Variants in TRIP11 observed in about 807,000 individuals in gnomAD.
The protein encoded by TRIP11 is thyroid receptor-interacting protein 11.
Under a neutral mutation model 223.1 loss-of-function variants are expected in TRIP11, and 148 were observed. That is an observed-to-expected ratio of 0.66 (90% CI 0.58 to 0.76). The LOEUF (loss-of-function observed/expected upper bound fraction) is 0.76, where lower values mean the gene tolerates loss of function less well. TRIP11 is among the 30% of genes least tolerant of loss of function. The pLI, the probability that TRIP11 is intolerant of heterozygous loss-of-function variation, is 0.00. For missense variants in TRIP11, 2,043 were observed against 2,222.0 expected, an observed-to-expected ratio of 0.92 and a Z score of 1.62; for synonymous variants, 762 against 772.6, an observed-to-expected ratio of 0.99 and a Z score of 0.23.
In TRIP11 at chr14:91,974,657, C is replaced by G; in HGVS notation, c.5544G>C (p.Leu1848Phe). The G allele has an allele frequency of 1.2e-6, 2 of 1,612,372 alleles. No homozygotes were observed. Among genetic ancestry groups the G allele is most frequent in the Non-Finnish European group, 1.7e-6 (2 of 1,179,940 alleles). ...TAACCACAGATTGCTGATTTGGTCT[C>G]AAAGGTGTGTTGGGAACACTTTTTG... Reference protein sequence around the residue: ...GGSKSVPNTPLRPNQQSVVNS... With the variant: ...GGSKSVPNTPFRPNQQSVVNS... The change falls in exon 19 of 21, where the codon TTG becomes TTC. Residue 1848 changes from leucine to phenylalanine, a missense_variant. Transcript: ENST00000267622.
Position 92,014,366 on chromosome 14 carries a change from T to C in TRIP11, c.1035A>G (p.Gln345=). The C allele has an allele frequency of 6.2e-7, 1 of 1,613,992 alleles. No homozygotes were observed. Among genetic ancestry groups the C allele is most frequent in the Non-Finnish European group, 8.5e-7 (1 of 1,179,994 alleles). ...EQEQLNVEKR[Q]IMEECENLKL... Reference sequence around the variant, plus strand: ...TCAAGTTTTCACATTCTTCCATTATTTGTCTCTTTTCCACATTTAGCTGTT... The same window carrying C: ...TCAAGTTTTCACATTCTTCCATTATCTGTCTCTTTTCCACATTTAGCTGTT... The change falls in exon 7 of 21, where the codon CAA becomes CAG. Residue 345 remains glutamine, a synonymous_variant. Coordinates refer to ENST00000267622, the MANE Select transcript of TRIP11 (RefSeq NM_004239.4).
intron 2 of TRIP11, 79 bp downstream of exon 2, chr14:92,033,113 A>G (rs2057286516): frequency 1.8e-6 from 2 of 1,108,316 alleles, no homozygotes; most frequent in Non-Finnish European, 2.7e-6. Context: ...ACATTTAAAA[A>G]GAAAGGATCA....
intron 15 of TRIP11, among the ~76,000 whole-genome samples, chr14:91,990,373 A>C (rs1312938828): frequency 5.3e-5 from 8 of 151,972 alleles, no homozygotes; most frequent in Non-Finnish European, 7.4e-5. Context: ...TCTTTCTACC[A>C]GTTGTTTGGT....
intron 19 of TRIP11, among the ~76,000 whole-genome samples, chr14:91,973,827 C>A (rs2056429297): frequency 6.6e-6 from 1 of 152,098 alleles, no homozygotes. Flanking sequence ...GAGTTCAAGA[C>A]CAGCCTGGCC....
At position 91,999,429 on chromosome 14, in the gene TRIP11, T is replaced by C. The variant is rs753751236; in HGVS notation, c.4703A>G (p.Gln1568Arg). The C allele has an allele frequency of 1.2e-6, 2 of 1,613,704 alleles. No individual in the cohort carries two copies. The highest frequency in any genetic ancestry group is 3.3e-5 in the Admixed American group (2 of 60,014). Reference protein sequence around the residue: ...MENTALQNEVQRLRDKEFRSN... With the variant: ...MENTALQNEVRRLRDKEFRSN... ...ACGAAATTCTTTGTCACGTAAACGT[T>C]GAACCTAGGTAGAGGACATTATTTT... is the stretch of plus-strand genomic sequence containing the variant. The change falls in exon 13 of 21, where the codon CAA (glutamine) becomes CGA (arginine). Residue 1568 changes from glutamine to arginine, a missense_variant. Transcript: ENST00000267622.
At chr14:92,032,334 A>G (rs2140148036) in intron 2 of TRIP11, among the ~76,000 whole-genome samples, 1 of 151,958 alleles carries the variant, frequency 6.6e-6, no homozygotes, top group East Asian at 2.0e-4. Flanking sequence ...ATTTTTAGTT[A>G]GAGATGGGGT....
intron 20 of TRIP11, 141 bp downstream of exon 20, chr14:91,972,576 C>A: frequency 1.3e-6 from 1 of 779,844 alleles, no homozygotes. Flanking sequence ...TTGGAAAAGC[C>A]TGATGCCTTA....
chr14:91,997,918 A>T (rs550342651), intron 13 of TRIP11, among the ~76,000 whole-genome samples: 1 of 152,224 alleles, frequency 6.6e-6, no homozygotes, highest in Non-Finnish European at 1.5e-5. Context: ...GGGCTTGAAA[A>T]GTGCAAAAAA....
At position 92,029,280 on chromosome 14, in the gene TRIP11, ATTTTTTTT is replaced by A. The variant is rs60778253; in HGVS notation, c.202-3868_202-3861del. Among the ~76,000 whole-genome samples, 694 of 76,834 alleles carry A rather than the reference ATTTTTTTT, an allele frequency of 9.0e-3. 12 individuals carry two copies. Among genetic ancestry groups the A allele is most frequent in the African/African-American group, 0.038 (665 of 17,334 alleles). The allele number at this position is 76,834 out of a possible 152,430, so 50.4% of individuals were successfully genotyped here. ...TTCTGACTGCATTGCCCAAAGTATT[ATTTTTTTT>A]TTTTTTTTTTTTTTTTTTTTTTTTT... is the stretch of plus-strand genomic sequence containing the variant. On this transcript the variant is annotated intron_variant, in intron 2 of 20. Coordinates refer to ENST00000267622, the MANE Select transcript of TRIP11 (RefSeq NM_004239.4).
chr14:92,006,069 T>C lies in TRIP11; in HGVS notation c.1907A>G (p.Asn636Ser), dbSNP rs968899214. ...AAGTAAGGTATCCTTAAAATTACTA[T>C]TAGAGTCTTGATTTAGAGACTGCAT... ...ELMQSLNQDS[N>S]SNFKDTLLKE... Residue 636 changes from asparagine (N) to serine (S), a missense_variant, in exon 11 of 21, where the codon AAT becomes AGT. Transcript: ENST00000267622. 6.3e-7 allele frequency: 1 copy of C among 1,585,836 alleles called. No individual in the cohort carries two copies. The highest frequency in any genetic ancestry group is 1.4e-5 in the African/African-American group (1 of 73,170).
chr14:91,998,843 C>A (rs538507181), intron 13 of TRIP11, among the ~76,000 whole-genome samples: 36 of 152,144 alleles, frequency 2.4e-4, no homozygotes, highest in African/African-American at 8.7e-4. Context: ...TACTCTCTTC[C>A]TGCTAACATC....
intron 19 of TRIP11, among the ~76,000 whole-genome samples, 182 bp downstream of exon 19, chr14:91,974,445 A>C (rs575437428): frequency 5.9e-5 from 9 of 152,346 alleles, no homozygotes; most frequent in Non-Finnish European, 1.0e-4. Flanking sequence ...ATATGCAATA[A>C]AGTTATGAAA....
intron 19 of TRIP11, 147 bp downstream of exon 19, chr14:91,974,480 A>G: frequency 1.5e-6 from 1 of 659,126 alleles, no homozygotes; most frequent in African/African-American, 1.8e-5. Context: ...CTTAAGCTTA[A>G]TCACCTCTCT....
chr14:92,014,817 C>G (rs979768818), intron 6 of TRIP11, among the ~76,000 whole-genome samples: 1 of 151,950 alleles, frequency 6.6e-6, no homozygotes, highest in Admixed American at 6.6e-5. Context: ...CATTTATTAC[C>G]AAAGTATCAT....
At chr14:91,980,990 T>TTATATATATATATATA (rs200939525) in intron 16 of TRIP11, among the ~76,000 whole-genome samples, 2 of 75,382 alleles carry the variant, frequency 2.7e-5, no homozygotes, top group African/African-American at 1.0e-4. Context: ...TATATGTATA[T>TTATATATATATATATA]TATATATATA....
Position 92,011,770 on chromosome 14 carries a change from C to G in TRIP11, c.1212G>C (p.Leu404Phe). Residue 404 changes from leucine to phenylalanine, a missense_variant, in exon 8 of 21, where the codon TTG becomes TTC. By Grantham distance (22) the Leu-to-Phe change is conservative. Transcript: ENST00000267622. The stretch of plus-strand genomic sequence containing the variant: ...ATTAATTTACCTGGTTTAAACTACT[C>G]AATCTCATTATTTCATTTTCGGCAT... Reference protein sequence around the residue: ...LSDAENEIMRLSSLNQDNSLA... With the variant: ...LSDAENEIMRFSSLNQDNSLA... The G allele has an allele frequency of 1.2e-6, 2 of 1,611,950 alleles. No homozygotes were observed. Among genetic ancestry groups the G allele is most frequent in the Non-Finnish European group, 1.7e-6 (2 of 1,179,352 alleles).
At position 91,988,326 on chromosome 14, in the gene TRIP11, A is replaced by G; in HGVS notation, c.5218T>C (p.Leu1740=). 1 of 1,613,644 alleles carries G rather than the reference A, an allele frequency of 6.2e-7. No homozygotes were observed. Among genetic ancestry groups the G allele is most frequent in the Admixed American group, 1.7e-5 (1 of 60,006 alleles). ...LDSASRLTEQ[L]DVKEEQIEEL... Reference sequence around the variant, plus strand: ...TCAATTTGTTCTTCTTTTACATCTAACTGTTCTGTAAGTCTTGATGCTGAA... The same window carrying G: ...TCAATTTGTTCTTCTTTTACATCTAGCTGTTCTGTAAGTCTTGATGCTGAA... Residue 1740 remains leucine, a synonymous_variant, in exon 16 of 21, where the codon TTA becomes CTA. Transcript: ENST00000267622.
intron 15 of TRIP11, among the ~76,000 whole-genome samples, chr14:91,993,330 G>A (rs1436576367): frequency 2.6e-5 from 4 of 151,812 alleles, no homozygotes; most frequent in African/African-American, 7.3e-5. Context: ...TACAAAATTA[G>A]CTGGGTATGA....
rs2057333818 is a variant in TRIP11, at chr14:92,037,195, C to T, written c.139+2352G>A. On this transcript the variant is annotated intron_variant, in intron 1 of 20. Transcript: ENST00000267622. The surrounding 1 kb of genome is among the most constrained non-coding windows in gnomAD (Gnocchi z 4.2). ...ACTATGTGCCAAAAGGAAGGTGTCA[C>T]ATATTTGGTAATATAAGGAGCAAAA... Among the ~76,000 whole-genome samples the T allele has an allele frequency of 1.3e-5, 2 of 152,174 alleles. No individual in the cohort carries two copies. Among genetic ancestry groups the T allele is most frequent in the African/African-American group, 2.4e-5 (1 of 41,438 alleles).
Sources: gnomAD v4.1 joint callset for allele counts (sites outside exome capture counted in the v4.1 genomes callset) on GRCh38, gnomAD v4.1.1 for gene constraint, Gnocchi (gnomAD v3.1) non-coding constraint, MANE v1.5 for transcripts, NCBI Gene and HGNC (gene_info 2026-07-23, HGNC 2026-07-21) for gene names.